Variants in NAMPT observed in about 807,000 individuals in gnomAD.
NAMPT encodes the protein nicotinamide phosphoribosyltransferase.
NAMPT carries 7 observed loss-of-function variants against 58.7 expected under a neutral mutation model. The observed-to-expected ratio is 0.12, with a 90% confidence interval of 0.07 to 0.22. The LOEUF (loss-of-function observed/expected upper bound fraction) is 0.22. NAMPT is among the 10% of genes least tolerant of loss of function. The pLI is 1.00. For synonymous variants in NAMPT, 145 were observed against 198.1 expected (o/e 0.73, Z 2.25); for missense variants, 271 against 567.9 (o/e 0.48, Z 5.31).
chr7:106,279,385 C>G (rs1353642736), intron 1 of NAMPT, among the ~76,000 whole-genome samples: 1 of 151,986 alleles, frequency 6.6e-6, no homozygotes, highest in Non-Finnish European at 1.5e-5. Flanking sequence ...TAACACCCAA[C>G]AAGTTTACAG....
chr7:106,283,441 TA>T (rs1010062878), intron 1 of NAMPT, among the ~76,000 whole-genome samples: 20 of 149,150 alleles, frequency 1.3e-4, no homozygotes, highest in South Asian at 6.3e-4. Context: ...GGCTAACATG[TA>T]AAAAAAAAAT....
intron 4 of NAMPT, chr7:106,272,285 G>C (rs2115798730): frequency 3.1e-6 from 1 of 319,122 alleles, no homozygotes; most frequent in East Asian, 7.5e-5. Flanking sequence ...AAGCCAACTA[G>C]GTTTTAAAAA....
At chr7:106,264,145 C>T (rs1792365181) in intron 6 of NAMPT, among the ~76,000 whole-genome samples, 1 of 152,026 alleles carries the variant, frequency 6.6e-6, no homozygotes, top group South Asian at 2.1e-4. Context: ...CTATACCATA[C>T]ATACATATAG....
At chr7:106,284,162 G>A (rs555965204) in intron 1 of NAMPT, among the ~76,000 whole-genome samples, 2 of 152,212 alleles carry the variant, frequency 1.3e-5, no homozygotes, top group Admixed American at 1.3e-4. Flanking sequence ...TACACCCAGG[G>A]ATAAGGAGCA....
chr7:106,271,791 T>G (rs1792539515), intron 4 of NAMPT: 2 of 153,040 alleles, frequency 1.3e-5, no homozygotes, highest in Admixed American at 1.3e-4. Context: ...ATTAGTCAGT[T>G]CTAAGAACTA....
At chr7:106,268,744 A>G (rs185893112) in intron 5 of NAMPT, 144 bp from the exon 6 acceptor site, 20 of 647,914 alleles carry the variant, frequency 3.1e-5, no homozygotes, top group Admixed American at 1.4e-4. Context: ...ATTGTCAGAC[A>G]TAACAGTTCC....
intron 10 of NAMPT, among the ~76,000 whole-genome samples, chr7:106,251,468 A>C (rs1244160212): frequency 6.6e-6 from 1 of 152,122 alleles, no homozygotes; most frequent in Non-Finnish European, 1.5e-5. Context: ...AGGAAAACCA[A>C]GAAACCTAGC....
intron 6 of NAMPT, among the ~76,000 whole-genome samples, chr7:106,267,866 A>AAAAAAAAAAAAAAAC (rs767872084): frequency 1.5e-5 from 2 of 133,566 alleles, no homozygotes; most frequent in Non-Finnish European, 3.3e-5. Context: ...AAAAAAAAAA[A>AAAAAAAAAAAAAAAC]AAAAAAAAAA....
chr7:106,267,822 CAG>C (rs1792446271), intron 6 of NAMPT, among the ~76,000 whole-genome samples: 1 of 81,474 alleles, frequency 1.2e-5, no homozygotes, highest in African/African-American at 4.4e-5. Context: ...GCCTGGGCGA[CAG>C]AGCGAGACTC....
chr7:106,272,851 G>A (rs186647122), intron 3 of NAMPT, among the ~76,000 whole-genome samples, 193 bp from the exon 4 acceptor site: 5 of 152,210 alleles, frequency 3.3e-5, no homozygotes, highest in Admixed American at 6.5e-5. Context: ...ATTAACATAC[G>A]TACTGATATT....
In NAMPT at chr7:106,249,861, A is replaced by G. The variant is rs2115708437; in HGVS notation, c.*1222T>C. The G allele has an allele frequency of 6.6e-6, 1 of 152,158 alleles. No homozygotes were observed. Among genetic ancestry groups the G allele is most frequent in the African/African-American group, 2.4e-5 (1 of 41,538 alleles). 9.4% of individuals were successfully genotyped at this position (152,158 alleles called of 1,614,324 possible). A position where few individuals can be genotyped will look rare whatever the true frequency, so the allele number is the denominator to read the frequency against. The stretch of plus-strand genomic sequence containing the variant: ...TAGTCAGATGTGATGTATGATTCAG[A>G]ATCTAGTAGCTAATCACTCTAGAAC... On this transcript the variant is annotated 3_prime_UTR_variant, in exon 11 of 11. Coordinates refer to ENST00000222553, the MANE Select transcript of NAMPT (RefSeq NM_005746.3).
At chr7:106,261,150 G>A (rs1160520874) in intron 8 of NAMPT, among the ~76,000 whole-genome samples, 1 of 152,202 alleles carries the variant, frequency 6.6e-6, no homozygotes, top group Non-Finnish European at 1.5e-5. Flanking sequence ...ATCTAATACT[G>A]ATGACAGTCA....
At position 106,268,507 on chromosome 7, in the gene NAMPT, T is replaced by G; in HGVS notation, c.700A>C (p.Lys234Gln). 1.1e-5 allele frequency: 17 copies of G among 1,613,928 alleles called. No individual in the cohort carries two copies. Among genetic ancestry groups the G allele is most frequent in the Non-Finnish European group, 1.4e-5 (17 of 1,179,848 alleles). ...ACAGAATAGCCTGGAACAGGATCTT[T>G]CGTTCCATAATATTTTTTAATTAGA... Reference protein sequence around the residue: ...LALIKKYYGTKDPVPGYSVPA... With the variant: ...LALIKKYYGTQDPVPGYSVPA... Residue 234 changes from lysine (K) to glutamine (Q), a missense_variant, in exon 6 of 11, where the codon AAA becomes CAA. By Grantham distance (53) the Lys-to-Gln change is moderately conservative (BLOSUM62 1). Coordinates refer to ENST00000222553, the MANE Select transcript of NAMPT (RefSeq NM_005746.3).
intron 1 of NAMPT, among the ~76,000 whole-genome samples, chr7:106,278,307 G>A (rs942773470): frequency 6.6e-6 from 1 of 152,076 alleles, no homozygotes. Flanking sequence ...CCTTGCCAAT[G>A]GTAGCATACT....
At chr7:106,257,882 G>T (rs575279168) in intron 8 of NAMPT, among the ~76,000 whole-genome samples, 1 of 130,526 alleles carries the variant, frequency 7.7e-6, no homozygotes, top group Non-Finnish European at 1.7e-5. Context: ...TCTTTCACCT[G>T]CAAGGGGGAG....
chr7:106,273,824 G>GC (rs1792582439), intron 3 of NAMPT, among the ~76,000 whole-genome samples: 1 of 151,990 alleles, frequency 6.6e-6, no homozygotes, highest in African/African-American at 2.4e-5. Flanking sequence ...GTACTTACCT[G>GC]ACTTTTTCAA....
At chr7:106,265,303 T>A (rs139066062) in intron 6 of NAMPT, among the ~76,000 whole-genome samples, 1 of 152,266 alleles carries the variant, frequency 6.6e-6, no homozygotes, top group African/African-American at 2.4e-5. Context: ...GATCTACTTG[T>A]ATCATGTCTA....
upstream of NAMPT, chr7:106,285,782 G>A (rs1792870740): frequency 6.2e-6 from 1 of 161,392 alleles, no homozygotes; most frequent in East Asian, 1.9e-4. Context: ...TGAAAAGCGG[G>A]GGTGGAATTC....
chr7:106,253,934 A>G (rs993935301), intron 9 of NAMPT, among the ~76,000 whole-genome samples: 2 of 152,150 alleles, frequency 1.3e-5, no homozygotes, highest in Non-Finnish European at 2.9e-5. Flanking sequence ...TAGCTGTTCT[A>G]TGGCTACTAG....
Sources: gnomAD v4.1 joint callset for allele counts (sites outside exome capture counted in the v4.1 genomes callset) on GRCh38, gnomAD v4.1.1 for gene constraint, MANE v1.5 for transcripts, NCBI Gene and HGNC (gene_info 2026-07-23, HGNC 2026-07-21) for gene names.